Variants in KIAA0825 observed in about 807,000 individuals in gnomAD.
KIAA0825 encodes uncharacterized protein KIAA0825.
A neutral mutation model predicts 147.6 loss-of-function variants in KIAA0825; 119 were observed. The ratio of observed to expected loss-of-function variants is 0.81; its 90% CI spans 0.69 to 0.94. The LOEUF is 0.94. KIAA0825 is among the 40% of genes least tolerant of loss of function. The pLI is 0.00. For missense variants in KIAA0825, 1,381 were observed against 1,472.7 expected, an observed-to-expected ratio of 0.94 and a Z score of 1.02; for synonymous variants, 470 against 518.1, an observed-to-expected ratio of 0.91 and a Z score of 1.26.
chr5:94,248,818 A>T (rs536153851), intron 20 of KIAA0825, among the ~76,000 whole-genome samples: 83 of 152,258 alleles, frequency 5.5e-4, no homozygotes, highest in African/African-American at 1.9e-3. Flanking sequence ...TCCTGCAGGG[A>T]TTACAAAGAT....
At chr5:94,278,542 A>G (rs143899330) in intron 20 of KIAA0825, among the ~76,000 whole-genome samples, 200 of 152,102 alleles carry the variant, frequency 1.3e-3, no homozygotes, top group African/African-American at 4.5e-3. Flanking sequence ...TTTTTAAAAA[A>G]TGACATGGAT....
intron 1 of KIAA0825, among the ~76,000 whole-genome samples, chr5:94,605,511 C>A (rs1167066390): frequency 6.6e-6 from 1 of 152,080 alleles, no homozygotes; most frequent in Non-Finnish European, 1.5e-5. Context: ...GTGCAAAAAT[C>A]ATCAAAAAAA....
intron 10 of KIAA0825, among the ~76,000 whole-genome samples, chr5:94,468,103 T>G (rs1282015421): frequency 2.0e-5 from 3 of 152,188 alleles, no homozygotes; most frequent in African/African-American, 7.2e-5. Flanking sequence ...ATCTGGTTAT[T>G]TCCGTCTTTG....
chr5:94,613,508 T>C, intron 1 of KIAA0825, among the ~76,000 whole-genome samples: 1 of 152,162 alleles, frequency 6.6e-6, no homozygotes, highest in Non-Finnish European at 1.5e-5. Context: ...AATCTTGTCT[T>C]CTGTATTTTA....
chr5:94,580,646 G>A (rs1781931154), intron 2 of KIAA0825, among the ~76,000 whole-genome samples: 1 of 35,600 alleles, frequency 2.8e-5, no homozygotes, highest in African/African-American at 2.5e-4. Context: ...GGAGGCCGAG[G>A]CGGGCGGATC....
intron 20 of KIAA0825, among the ~76,000 whole-genome samples, chr5:94,322,845 T>C (rs1584110936): frequency 6.6e-6 from 1 of 152,082 alleles, no homozygotes; most frequent in Middle Eastern, 3.4e-3. Context: ...CCATATTTTA[T>C]AAATTATTCA....
At chr5:94,365,917 C>T (rs544643675) in intron 20 of KIAA0825, among the ~76,000 whole-genome samples, 1 of 152,308 alleles carries the variant, frequency 6.6e-6, no homozygotes, top group East Asian at 1.9e-4. Flanking sequence ...AATCTAAGAT[C>T]AGTGCTTGAG....
At chr5:94,442,018 T>C (rs908474615) in intron 13 of KIAA0825, among the ~76,000 whole-genome samples, 1 of 152,200 alleles carries the variant, frequency 6.6e-6, no homozygotes, top group East Asian at 1.9e-4. Context: ...ACACTGGCTG[T>C]ATATCCCAAA....
At chr5:94,414,880 T>G (rs1373610137) in intron 15 of KIAA0825, 1 of 152,188 alleles carries the variant, frequency 6.6e-6, no homozygotes, top group Non-Finnish European at 1.5e-5. Context: ...GAACTGCACA[T>G]GCAAGGGATC....
rs996977195 is a variant in KIAA0825 at position 94,592,211 on chromosome 5, C to T, written c.-152-9628G>A. Among the ~76,000 whole-genome samples the T allele has an allele frequency of 5.0e-4, 76 of 152,164 alleles. 1 individual carries two copies. Among genetic ancestry groups the T allele is most frequent in the Non-Finnish European group, 2.1e-4 (14 of 68,040 alleles). On this transcript the variant is annotated intron_variant, in intron 1 of 20. Transcript: ENST00000682413. ...CTGAGATGAGGCAAATCTCTTCCAC[C>T]TATGAGCGTATAAAATCAAAAGCAA...
chr5:94,470,911 C>T (rs1761139461), intron 9 of KIAA0825, among the ~76,000 whole-genome samples: 1 of 152,070 alleles, frequency 6.6e-6, no homozygotes, highest in African/African-American at 2.4e-5. Flanking sequence ...ATAATTAATG[C>T]CTGTGGTCAT....
At chr5:94,476,196 T>G (rs1165011087) in intron 7 of KIAA0825, among the ~76,000 whole-genome samples, 2 of 152,300 alleles carry the variant, frequency 1.3e-5, no homozygotes, top group South Asian at 2.1e-4. Context: ...AGTGTATCAG[T>G]CAGGGTCCAT....
Position 94,484,774 on chromosome 5 carries a change from G to A in KIAA0825, c.1127C>T (p.Thr376Ile). Reference sequence around the variant, plus strand: ...TAAACAAAAGAGGATATTACCTGAAGTATCCCTGGTTATCTTGAGTGATAA... The same window carrying A: ...TAAACAAAAGAGGATATTACCTGAAATATCCCTGGTTATCTTGAGTGATAA... Reference protein sequence around the residue: ...ILLSLKITRDTSGILEKSDRE... With the variant: ...ILLSLKITRDISGILEKSDRE... Residue 376 changes from threonine to isoleucine, a missense_variant, in exon 6 of 21, where the codon ACT (threonine) becomes ATT (isoleucine). Thr to Ile is a moderately conservative substitution (Grantham distance 89, BLOSUM62 -1). Transcript: ENST00000682413. The A allele has an allele frequency of 1.4e-6, 2 of 1,471,664 alleles. No homozygotes were observed. The highest frequency in any genetic ancestry group is 1.8e-6 in the Non-Finnish European group (2 of 1,095,428). The allele number at this position is 1,471,664 out of a possible 1,614,324, so 91.2% of individuals were successfully genotyped here.
chr5:94,259,211 T>G (rs900748812), intron 20 of KIAA0825, among the ~76,000 whole-genome samples: 56 of 152,098 alleles, frequency 3.7e-4, no homozygotes, highest in African/African-American at 1.3e-3. Flanking sequence ...CTTATTTAAA[T>G]TATTAAGACT....
At chr5:94,540,002 A>C (rs1344460221) in intron 2 of KIAA0825, among the ~76,000 whole-genome samples, 1 of 152,086 alleles carries the variant, frequency 6.6e-6, no homozygotes, top group Non-Finnish European at 1.5e-5. Context: ...AGCTGATGGA[A>C]CTGCTGGAAA....
chr5:94,575,473 T>C (rs764764365), intron 2 of KIAA0825, among the ~76,000 whole-genome samples: 13 of 152,146 alleles, frequency 8.5e-5, no homozygotes, highest in East Asian at 1.9e-4. Context: ...CGCTGTTACA[T>C]GTTCAGGCAC....
intron 2 of KIAA0825, among the ~76,000 whole-genome samples, chr5:94,564,537 AGTGTGTGTGTGTGTGTGTGTGTGTGT>A (rs56256662): frequency 6.1e-5 from 2 of 32,928 alleles, no homozygotes; most frequent in South Asian, 1.1e-3. Flanking sequence ...CTTATTTTTG[AGTGTGTGTGTGTGTGTGTGTGTGTGT>A]GTGTGTGTGT....
chr5:94,165,419 T>C (rs1344241394), intron 20 of KIAA0825, among the ~76,000 whole-genome samples: 1 of 152,036 alleles, frequency 6.6e-6, no homozygotes, highest in East Asian at 1.9e-4. Flanking sequence ...GGGGTGTAAA[T>C]TAATATAACC....
At chr5:94,333,065 A>T (rs1010422457) in intron 20 of KIAA0825, among the ~76,000 whole-genome samples, 2 of 152,020 alleles carry the variant, frequency 1.3e-5, no homozygotes, top group Non-Finnish European at 2.9e-5. Flanking sequence ...CCGCTTTTTC[A>T]TGGGGTTGTT....
Sources: allele counts gnomAD v4.1 joint callset (sites outside exome capture counted in the v4.1 genomes callset), GRCh38; gene constraint gnomAD v4.1.1; transcripts MANE v1.5; gene names NCBI Gene and HGNC (gene_info 2026-07-23, HGNC 2026-07-21).